PDCD4: variants seen among roughly 807,000 people sequenced by gnomAD.
The protein encoded by PDCD4 is programmed cell death 4.
PDCD4 carries 56 observed loss-of-function variants against 54.0 expected under a neutral mutation model. The ratio of observed to expected loss-of-function variants is 1.04; its 90% confidence interval spans 0.84 to 1.30. PDCD4 has a LOEUF of 1.30. Among genes scored for constraint, PDCD4 ranks in the 50% most tolerant of loss-of-function variants. The probability of loss-of-function intolerance (pLI) is 0.00; values close to 1 mark genes in which losing one functional copy is unlikely to be tolerated. For synonymous variants in PDCD4, 186 were observed against 194.8 expected (o/e 0.95, Z 0.37); for missense variants, 584 against 559.8 (o/e 1.04, Z -0.44).
chr10:110,876,221 A>T (rs1004417694), intron 2 of PDCD4, 151 bp downstream of exon 2: 49 of 559,042 alleles, frequency 8.8e-5, no homozygotes, highest in Non-Finnish European at 1.3e-4. Flanking sequence ...CAGCCTCCTC[A>T]GCAGCTGGGA....
chr10:110,876,309 A>T lies in PDCD4; in HGVS notation c.43+239A>T, dbSNP rs78100298. On this transcript the variant is annotated intron_variant, in intron 2 of 11. Transcript: ENST00000280154. Reference sequence around the variant, plus strand: ...GGATTTCACTATGTTGCCTAGGCTGAAATATCTTGAAGCTTGACTATGTTG... The same window carrying T: ...GGATTTCACTATGTTGCCTAGGCTGTAATATCTTGAAGCTTGACTATGTTG... Among the ~76,000 whole-genome samples, 84 of 152,274 alleles carry T rather than the reference A, an allele frequency of 5.5e-4. 1 individual carries two copies. The highest frequency in any genetic ancestry group is 2.4e-3 in the Admixed American group (37 of 15,300).
chr10:110,895,433 C>T (rs529388571), intron 10 of PDCD4, among the ~76,000 whole-genome samples: 1 of 152,222 alleles, frequency 6.6e-6, no homozygotes, highest in South Asian at 2.1e-4. Context: ...GGCTATGTAG[C>T]ATTCCATGGG....
intron 2 of PDCD4, among the ~76,000 whole-genome samples, chr10:110,876,294 A>C (rs143377382): frequency 3.3e-4 from 50 of 152,204 alleles, no homozygotes; most frequent in African/African-American, 1.0e-3. Context: ...GGATTTCACT[A>C]TGTTGCCTAG....
At position 110,894,162 on chromosome 10, in the gene PDCD4, G is replaced by C. The variant is rs1007375906; in HGVS notation, c.1062G>C (p.Leu354=). 3 of 1,604,578 alleles carry C rather than the reference G, an allele frequency of 1.9e-6. No homozygotes were observed. In the African/African-American group the frequency reaches 4.0e-5, roughly 21 times the overall value. The change falls in exon 9 of 12, where the codon CTG becomes CTC. Residue 354 remains leucine, a synonymous_variant. Coordinates refer to ENST00000280154, the MANE Select transcript of PDCD4 (RefSeq NM_014456.5). ...ISEAEHCLKE[L]EVPHFHHELV... Reference sequence around the variant, plus strand: ...AAGCTGAACATTGCCTTAAGGAACTGGAAGTACCTCATTTTCACCATGAGC... The same window carrying C: ...AAGCTGAACATTGCCTTAAGGAACTCGAAGTACCTCATTTTCACCATGAGC...
In PDCD4 at chr10:110,898,038, C is replaced by G; in HGVS notation, c.1360C>G (p.Arg454Gly). 6.3e-7 allele frequency: 1 copy of G among 1,583,464 alleles called. No homozygotes were observed. Among genetic ancestry groups the G allele is most frequent in the Non-Finnish European group, 8.6e-7 (1 of 1,162,692 alleles). Residue 454 changes from arginine to glycine, a missense_variant, in exon 12 of 12, where the codon CGT (arginine) becomes GGT (glycine). Transcript: ENST00000280154. ...TTTTCTTCATTACAGGGGCAGAAAGCGTTTTGTAAGCGAAGGAGATGGAGG... is the reference window on the plus strand; with the variant it reads ...TTTTCTTCATTACAGGGGCAGAAAGGGTTTTGTAAGCGAAGGAGATGGAGG... ...RDLCPSRGRK[R>G]FVSEGDGGRL...
intron 10 of PDCD4, among the ~76,000 whole-genome samples, chr10:110,894,797 C>T (rs757455511): frequency 1.3e-5 from 2 of 149,082 alleles, no homozygotes; most frequent in African/African-American, 4.9e-5. Flanking sequence ...TAAGATGTGA[C>T]AATTTCTATT....
At chr10:110,872,611 C>G (rs1009829102) in intron 1 of PDCD4, among the ~76,000 whole-genome samples, 4 of 152,214 alleles carry the variant, frequency 2.6e-5, no homozygotes, top group African/African-American at 9.6e-5. Context: ...GAGAACAGGC[C>G]CGGCCGCTGT....
intron 1 of PDCD4, chr10:110,872,372 G>A (rs1301353879): frequency 6.6e-6 from 1 of 152,318 alleles, no homozygotes; most frequent in Non-Finnish European, 1.5e-5. Context: ...TCCCCCTCTG[G>A]CGGAGGTTGA....
chr10:110,889,585 C>T lies in PDCD4; in HGVS notation c.830C>T (p.Thr277Ile), dbSNP rs1590734982. Residue 277 changes from threonine (T) to isoleucine (I), a missense_variant, in exon 7 of 12, where the codon ACC becomes ATC. Coordinates refer to ENST00000280154, the MANE Select transcript of PDCD4 (RefSeq NM_014456.5). ...RAVGDGILCN[T>I]YIDSYKGTVD... ...GTTGGAGATGGAATTTTATGTAATA[C>T]CTATATTGATAGTTACAAAGGAACT... 1.2e-6 allele frequency: 2 copies of T among 1,606,596 alleles called. No homozygotes were observed.
In PDCD4 at chr10:110,876,086, C is replaced by T. The variant is rs762819085; in HGVS notation, c.43+16C>T. Reference sequence around the variant, plus strand: ...AACCCTGCAGGTAAGTAAGGATATCCTTTTTTCTTTTTTTCTTCGTTTTGA... The same window carrying T: ...AACCCTGCAGGTAAGTAAGGATATCTTTTTTTCTTTTTTTCTTCGTTTTGA... On this transcript the variant is annotated intron_variant, in intron 2 of 11. Transcript: ENST00000280154. The T allele has an allele frequency of 4.1e-5, 66 of 1,594,850 alleles. No individual in the cohort carries two copies. The highest frequency in any genetic ancestry group is 5.5e-5 in the Non-Finnish European group (64 of 1,166,846).
At chr10:110,889,446 A>C in intron 6 of PDCD4, 87 bp from the exon 7 acceptor site, 1 of 787,990 alleles carries the variant, frequency 1.3e-6, no homozygotes, top group South Asian at 1.5e-5. Flanking sequence ...TACTTCAGCT[A>C]ATCTTCATCA....
At chr10:110,875,921 G>C (rs1269274617) in intron 1 of PDCD4, 45 bp from the exon 2 acceptor site, 1 of 869,130 alleles carries the variant, frequency 1.2e-6, no homozygotes, top group African/African-American at 1.8e-5. Context: ...AATTACATCA[G>C]TTTAAAAGAT....
rs1233923377 is a variant in PDCD4 at position 110,899,397 on chromosome 10, A to ATTGT, written c.*1313_*1316dup. The stretch of plus-strand genomic sequence containing the variant: ...TATAGTTACCATTTTTAGGTTTTTA[A>ATTGT]TTGTTTGACACTTGGATGATAAATG... On this transcript the variant is annotated 3_prime_UTR_variant, in exon 12 of 12. Coordinates refer to ENST00000280154, the MANE Select transcript of PDCD4 (RefSeq NM_014456.5). 1 of 152,166 alleles carries ATTGT rather than the reference A, an allele frequency of 6.6e-6. No homozygotes were observed. Among genetic ancestry groups the ATTGT allele is most frequent in the Non-Finnish European group, 1.5e-5 (1 of 68,006 alleles). 9.4% of individuals were successfully genotyped at this position (152,166 alleles called of 1,614,324 possible). A position where few individuals can be genotyped will look rare whatever the true frequency, so the allele number is the denominator to read the frequency against.
rs1276664552 is a variant in PDCD4, at chr10:110,876,044, A to T, written c.17A>T (p.Glu6Val). Residue 6 changes from glutamate (E) to valine (V), a missense_variant, in exon 2 of 12, where the codon GAG becomes GTG. Physicochemically the swap from Glu to Val is moderately radical, Grantham distance 121 (BLOSUM62 -2). Transcript: ENST00000280154. Reference sequence around the variant, plus strand: ...TAAGGGAAAATGGATGTAGAAAATGAGCAGATACTGAATGTAAACCCTGCA... The same window carrying T: ...TAAGGGAAAATGGATGTAGAAAATGTGCAGATACTGAATGTAAACCCTGCA... Reference protein sequence around the residue: MDVENEQILNVNPADP... With the variant: MDVENVQILNVNPADP... 1.9e-6 allele frequency: 3 copies of T among 1,611,006 alleles called. No individual in the cohort carries two copies. Among genetic ancestry groups the T allele is most frequent in the Non-Finnish European group, 2.5e-6 (3 of 1,178,204 alleles).
At chr10:110,879,723 G>T (rs1193293521) in intron 2 of PDCD4, among the ~76,000 whole-genome samples, 1 of 151,980 alleles carries the variant, frequency 6.6e-6, no homozygotes, top group Non-Finnish European at 1.5e-5. Flanking sequence ...CTTCAGTGAG[G>T]GCATGCTTGA....
chr10:110,889,006 C>T (rs191239709), intron 6 of PDCD4, among the ~76,000 whole-genome samples: 73 of 151,698 alleles, frequency 4.8e-4, no homozygotes, highest in African/African-American at 1.7e-3. Context: ...CCGAGGCAGG[C>T]GGATCACGAG....
Position 110,890,687 on chromosome 10 carries a change from G to T in PDCD4, c.990+17G>T, listed in dbSNP as rs752223719. ...GTTAAAGAGGTAATGATTGGGTATTGTTTTTAACTTAATTTATATGTATTC... is the reference window on the plus strand; with the variant it reads ...GTTAAAGAGGTAATGATTGGGTATTTTTTTTAACTTAATTTATATGTATTC... On this transcript the variant is annotated intron_variant, in intron 8 of 11. Coordinates refer to ENST00000280154, the MANE Select transcript of PDCD4 (RefSeq NM_014456.5). 8.8e-6 allele frequency: 13 copies of T among 1,481,460 alleles called. No individual in the cohort carries two copies. The highest frequency in any genetic ancestry group is 1.1e-5 in the Non-Finnish European group (12 of 1,062,490). 91.8% of individuals were successfully genotyped at this position (1,481,460 alleles called of 1,614,324 possible).
intron 1 of PDCD4, among the ~76,000 whole-genome samples, chr10:110,874,995 G>T (rs1030384416): frequency 2.0e-5 from 3 of 152,054 alleles, no homozygotes; most frequent in African/African-American, 4.8e-5. Flanking sequence ...GATTGTAAAT[G>T]ACCAGAAGGA....
intron 11 of PDCD4, among the ~76,000 whole-genome samples, chr10:110,897,367 T>C (rs1263788849): frequency 1.3e-5 from 2 of 152,178 alleles, no homozygotes; most frequent in Non-Finnish European, 2.9e-5. Context: ...TGGCCTGGGG[T>C]CAGAGAGTAA....
Sources: gnomAD v4.1 joint callset for allele counts (sites outside exome capture counted in the v4.1 genomes callset) on GRCh38, gnomAD v4.1.1 for gene constraint, MANE v1.5 for transcripts, NCBI Gene and HGNC (gene_info 2026-07-23, HGNC 2026-07-21) for gene names.